NLRC3: variants seen among roughly 807,000 people sequenced by gnomAD.
NLRC3 encodes NLR family CARD domain-containing protein 3.
NLRC3 carries 87 observed loss-of-function variants against 91.6 expected under a neutral mutation model. The ratio of observed to expected loss-of-function variants is 0.95; its 90% CI spans 0.80 to 1.14. The LOEUF (loss-of-function observed/expected upper bound fraction) is 1.14. Among genes scored for constraint, NLRC3 ranks in the 50% most tolerant of loss-of-function variants. NLRC3 has a pLI of 0.00. For synonymous variants in NLRC3, 694 were observed against 625.3 expected (o/e 1.11, Z -1.64); for missense variants, 1,577 against 1,418.6 (o/e 1.11, Z -1.79).
rs778414955 is a variant in NLRC3, at chr16:3,541,899, T to C, written c.3124A>G (p.Ile1042Val). The C allele has an allele frequency of 3.1e-5, 50 of 1,609,750 alleles. No individual in the cohort carries two copies. Among genetic ancestry groups the C allele is most frequent in the Non-Finnish European group, 4.2e-5 (49 of 1,177,114 alleles). The stretch of plus-strand genomic sequence containing the variant: ...ATCATCCTGGCCCCGGAGTCCCCAA[T>C]GTGGTTTCCCTGGAGACTAGAAGAG... ...LQHINLQGNH[I>V]GDSGARMISE... The change falls in exon 20 of 20, where the codon ATT (isoleucine) becomes GTT (valine). Residue 1042 changes from isoleucine (I) to valine (V), a missense_variant. Coordinates refer to ENST00000359128, the MANE Select transcript of NLRC3 (RefSeq NM_178844.4).
In NLRC3 at chr16:3,548,236, C is replaced by CATGTGACTATGTGACT. The variant is rs375899418; in HGVS notation, c.2688-34_2688-19dup. 1.3e-6 allele frequency: 2 copies of CATGTGACTATGTGACT among 1,577,170 alleles called. No individual in the cohort carries two copies. Among genetic ancestry groups the CATGTGACTATGTGACT allele is most frequent in the South Asian group, 2.3e-5 (2 of 86,354 alleles). ...ACTGCAGGCTGGGCAGACACAGACA[C>CATGTGACTATGTGACT]ATGTGACTATGTGACTATGTGACTA... is the stretch of plus-strand genomic sequence containing the variant. On this transcript the variant is annotated intron_variant, in intron 14 of 19. Transcript: ENST00000359128.
intron 10 of NLRC3, 133 bp from the exon 11 acceptor site, chr16:3,550,630 G>T (rs1346915518): frequency 3.1e-6 from 2 of 655,288 alleles, no homozygotes; most frequent in Non-Finnish European, 5.5e-6. Flanking sequence ...TGCACAGTTT[G>T]TTCTGCCTGA....
intron 17 of NLRC3, 63 bp from the exon 18 acceptor site, chr16:3,542,838 T>C (rs1275592324): frequency 8.6e-7 from 1 of 1,169,498 alleles, no homozygotes; most frequent in African/African-American, 1.5e-5. Context: ...CTGACCCCTC[T>C]GCGGGTGGGC....
chr16:3,543,109 T>C (rs545304021), intron 17 of NLRC3: 32 of 484,922 alleles, frequency 6.6e-5, no homozygotes, highest in Admixed American at 1.7e-4. Flanking sequence ...TCTGAGGACA[T>C]GCCTGAGCCT....
intron 9 of NLRC3, 96 bp downstream of exon 9, chr16:3,554,146 C>A (rs2039163184): frequency 1.1e-6 from 1 of 938,024 alleles, no homozygotes; most frequent in Non-Finnish European, 1.7e-6. Context: ...CAGGTCCTAG[C>A]CCCATCCATT....
At chr16:3,568,312 G>A (rs936211111) in intron 1 of NLRC3, among the ~76,000 whole-genome samples, 1 of 152,186 alleles carries the variant, frequency 6.6e-6, no homozygotes, top group Admixed American at 6.5e-5. Flanking sequence ...CTGGCACCCA[G>A]GCCAGCTGAA....
At position 3,561,757 on chromosome 16, in the gene NLRC3, T is replaced by C. The variant is rs867275707; in HGVS notation, c.1960A>G (p.Met654Val). The C allele has an allele frequency of 3.7e-6, 6 of 1,613,488 alleles. No individual in the cohort carries two copies. In the African/African-American group the frequency reaches 6.7e-5, roughly 18 times the overall value. ...CTCAGCACGCTGCCCAGCAGCTCCA[T>C]CACGGGGTCCTGGAACTGGTTGGTG... Reference protein sequence around the residue: ...LDTNQFQDPVMELLGSVLSGK... With the variant: ...LDTNQFQDPVVELLGSVLSGK... The change falls in exon 6 of 20, where the codon ATG (methionine) becomes GTG (valine). Residue 654 changes from methionine to valine, a missense_variant. Met to Val is a conservative substitution (Grantham distance 21). Coordinates refer to ENST00000359128, the MANE Select transcript of NLRC3 (RefSeq NM_178844.4).
At position 3,550,994 on chromosome 16, in the gene NLRC3, CA is replaced by C. The variant is rs539794705; in HGVS notation, c.2352-498del. On this transcript the variant is annotated intron_variant, in intron 10 of 19. Coordinates refer to ENST00000359128, the MANE Select transcript of NLRC3 (RefSeq NM_178844.4). ...CCACCCACTCATTCATAAATCCATC[CA>C]TTCGTCCATCCATCCACCTACTCAC... 2.5e-3 allele frequency among the ~76,000 whole-genome samples: 385 copies of C among 152,178 alleles called. 2 individuals are homozygous for C. Among genetic ancestry groups the C allele is most frequent in the African/African-American group, 8.6e-3 (356 of 41,498 alleles).
In NLRC3 at chr16:3,541,829, ATTT is replaced by A; in HGVS notation, c.3191_3193del (p.Glu1064_Met1065delinsVal). 6.2e-7 allele frequency: 1 copy of A among 1,605,930 alleles called. No homozygotes were observed. The highest frequency in any genetic ancestry group is 8.5e-7 in the Non-Finnish European group (1 of 1,173,196). On this transcript the variant is annotated inframe_deletion, in exon 20 of 20. Transcript: ENST00000359128. ...CTCCTGATCCGTCCACCAGGATCAC[ATTT>A]CAACAGTGCACGTGGGAGCATTTGT...
chr16:3,561,303 T>C (rs114754627), intron 6 of NLRC3, among the ~76,000 whole-genome samples: 4,518 of 152,148 alleles, frequency 0.03, 214 homozygotes, highest in African/African-American at 0.099. Flanking sequence ...GCCGAGATCA[T>C]GCCACTACAC....
rs2039698458 is a variant in NLRC3 at position 3,563,348 on chromosome 16, G to A, written c.1589C>T (p.Ala530Val). ...CTCGCCTTGGGCCAGCAGGGAGCCG[G>A]CCAGGAGGGCATTGACCCTCGGAGA... Reference protein sequence around the residue: ...LLSPRVNALLAGSLLAQGEHQ... With the variant: ...LLSPRVNALLVGSLLAQGEHQ... Residue 530 changes from alanine to valine, a missense_variant, in exon 5 of 20, where the codon GCC becomes GTC. Transcript: ENST00000359128. The A allele has an allele frequency of 6.3e-7, 1 of 1,591,186 alleles. No individual in the cohort carries two copies. The highest frequency in any genetic ancestry group is 8.5e-7 in the Non-Finnish European group (1 of 1,169,880).
chr16:3,554,238 T>G lies in NLRC3; in HGVS notation c.2267+4A>C, dbSNP rs372560288. On this transcript the variant is annotated splice_donor_region_variant and intron_variant, in intron 9 of 19. Coordinates refer to ENST00000359128, the MANE Select transcript of NLRC3 (RefSeq NM_178844.4). Reference sequence around the variant, plus strand: ...AGGGGGAGAGAGGAGATGTGTTCACTCACTGCAGCATGGAGAGGGTCCGGT... The same window carrying G: ...AGGGGGAGAGAGGAGATGTGTTCACGCACTGCAGCATGGAGAGGGTCCGGT... The G allele has an allele frequency of 1.6e-5, 25 of 1,605,142 alleles. No individual in the cohort carries two copies. The highest frequency in any genetic ancestry group is 2.1e-5 in the Non-Finnish European group (25 of 1,171,814).
chr16:3,572,905 C>T (rs2040149078), intron 1 of NLRC3, among the ~76,000 whole-genome samples: 1 of 150,152 alleles, frequency 6.7e-6, no homozygotes, highest in South Asian at 2.1e-4. Context: ...CCCAGCTACT[C>T]AGGAGGCTGA....
At chr16:3,566,721 G>A (rs369374021) in intron 2 of NLRC3, among the ~76,000 whole-genome samples, 12 of 133,624 alleles carry the variant, frequency 9.0e-5, no homozygotes, top group South Asian at 2.3e-4. Flanking sequence ...ACGAAACTCC[G>A]TATAAAAAAA....
chr16:3,558,582 CCACACACACACACA>C (rs3067979), intron 6 of NLRC3, among the ~76,000 whole-genome samples: 1 of 147,618 alleles, frequency 6.8e-6, no homozygotes, highest in South Asian at 2.2e-4. Flanking sequence ...TAAAAAAAAA[CCACACACACACACA>C]CACACACACA....
intron 8 of NLRC3, among the ~76,000 whole-genome samples, chr16:3,556,313 C>CCAGGAGGCAGAGGTTGCAGTGAGACAA (rs1567136191): frequency 2.4e-5 from 1 of 42,172 alleles, no homozygotes; most frequent in African/African-American, 1.0e-4. Flanking sequence ...AGAAAGAATC[C>CCAGGAGGCAGAGGTTGCAGTGAGACAA]GTCTCAAAAA....
intron 9 of NLRC3, among the ~76,000 whole-genome samples, chr16:3,552,765 C>G (rs2039082455): frequency 6.6e-6 from 1 of 152,116 alleles, no homozygotes; most frequent in African/African-American, 2.4e-5. Flanking sequence ...CATGGTGAAA[C>G]TCCGTCTCTA....
Position 3,563,274 on chromosome 16 carries a change from G to C in NLRC3, c.1663C>G (p.Arg555Gly), listed in dbSNP as rs553691177. The C allele has an allele frequency of 1.2e-6, 2 of 1,605,014 alleles. No individual in the cohort carries two copies. Among genetic ancestry groups the C allele is most frequent in the Middle Eastern group, 3.4e-4 (2 of 5,900 alleles). Reference protein sequence around the residue: ...QVAELLQGCLRPDAAVCARAI... With the variant: ...QVAELLQGCLGPDAAVCARAI... The stretch of plus-strand genomic sequence containing the variant: ...CGTGCACAGACTGCGGCATCGGGGC[G>C]CAGGCAGCCCTGCAGGAGCTCAGCC... The change falls in exon 5 of 20, where the codon CGC becomes GGC. Residue 555 changes from arginine (R) to glycine (G), a missense_variant. Coordinates refer to ENST00000359128, the MANE Select transcript of NLRC3 (RefSeq NM_178844.4).
intron 10 of NLRC3, 45 bp downstream of exon 10, chr16:3,552,151 T>C: frequency 8.6e-7 from 1 of 1,164,414 alleles, no homozygotes; most frequent in Non-Finnish European, 1.3e-6. Flanking sequence ...TTGGGCATTG[T>C]GCTGGGCACT....
Sources: gnomAD v4.1 joint callset for allele counts (sites outside exome capture counted in the v4.1 genomes callset) on GRCh38, gnomAD v4.1.1 for gene constraint, MANE v1.5 for transcripts, NCBI Gene and HGNC (gene_info 2026-07-23, HGNC 2026-07-21) for gene names.